The following ASCC1 variants were observed in gnomAD, a reference collection of about 807,000 sequenced individuals.
ASCC1 encodes the protein ASC-1 complex subunit P50.
In ASCC1, 35 loss-of-function variants were observed where a neutral mutation model predicts 46.6. That is an observed-to-expected ratio of 0.75 (90% CI 0.57 to 0.99). The LOEUF is 0.99. ASCC1 is among the 50% of genes least tolerant of loss of function. The pLI, the probability that ASCC1 is intolerant of heterozygous loss-of-function variation, is 0.00. For missense variants in ASCC1, 376 were observed against 428.7 expected (o/e 0.88, Z 1.09); for synonymous variants, 143 against 146.6 (o/e 0.98, Z 0.18).
chr10:72,173,283 T>C (rs1049261500), intron 5 of ASCC1, among the ~76,000 whole-genome samples: 4 of 152,100 alleles, frequency 2.6e-5, no homozygotes, highest in African/African-American at 9.7e-5. Context: ...TCTTCAACTT[T>C]CTCTTGCATA....
At chr10:72,216,825 C>G, upstream of ASCC1, 1 of 456,190 alleles carries the variant, frequency 2.2e-6, no homozygotes, top group Non-Finnish European at 4.4e-6. Flanking sequence ...ACTTACCTGA[C>G]AGGGCCAAGT....
chr10:72,099,347 TGA>T (rs1440123229), intron 9 of ASCC1, among the ~76,000 whole-genome samples: 1 of 152,170 alleles, frequency 6.6e-6, no homozygotes, highest in East Asian at 1.9e-4. Flanking sequence ...ACAGAAGAAT[TGA>T]GAGAGATAAC....
upstream of ASCC1, chr10:72,216,965 T>A (rs1447532784): frequency 2.2e-6 from 1 of 455,992 alleles, no homozygotes; most frequent in African/African-American, 2.0e-5. Flanking sequence ...AAATCCATAA[T>A]GATCCAATAC....
At position 72,119,658 on chromosome 10, in the gene ASCC1, C is replaced by T. The variant is rs191015627; in HGVS notation, c.957+8424G>A. Among the ~76,000 whole-genome samples the T allele has an allele frequency of 2.9e-3, 444 of 152,212 alleles. 2 individuals are homozygous for T. The highest frequency in any genetic ancestry group is 0.01 in the African/African-American group (422 of 41,516). On this transcript the variant is annotated intron_variant, in intron 9 of 9. Coordinates refer to ENST00000672957, the MANE Select transcript of ASCC1 (RefSeq NM_001198800.3). Reference sequence around the variant, plus strand: ...CCATCACACAACAGTACATCATGTCCCTTTCACCCAGTACATCACGTCCAG... The same window carrying T: ...CCATCACACAACAGTACATCATGTCTCTTTCACCCAGTACATCACGTCCAG...
At chr10:72,216,354 GGCGTAGTTTCCTGGGGACCCA>G (rs2133608856), upstream of ASCC1, 2 of 171,038 alleles carry the variant, frequency 1.2e-5, no homozygotes, top group Admixed American at 1.1e-4. Context: ...CAGCGCCGAT[GGCGTAGTTTCCTGGGGACCCA>G]GCTGGGTGGG....
At chr10:72,161,434 T>C (rs1849681565) in intron 6 of ASCC1, 104 bp downstream of exon 6, 1 of 1,439,580 alleles carries the variant, frequency 6.9e-7, no homozygotes. Flanking sequence ...ATCACATGAG[T>C]CCTTCCCATG....
chr10:72,202,549 C>T (rs932226696), intron 4 of ASCC1, among the ~76,000 whole-genome samples: 3 of 151,994 alleles, frequency 2.0e-5, no homozygotes, highest in Admixed American at 6.6e-5. Context: ...AGCCATTGTA[C>T]ATACAACAAA....
At chr10:72,116,113 C>CT (rs1408299277) in intron 9 of ASCC1, among the ~76,000 whole-genome samples, 3 of 152,156 alleles carry the variant, frequency 2.0e-5, no homozygotes, top group Non-Finnish European at 4.4e-5. Flanking sequence ...TACTAAGCTC[C>CT]TAAGTGTATG....
At chr10:72,204,980 T>C (rs1037269766) in intron 3 of ASCC1, among the ~76,000 whole-genome samples, 2 of 152,212 alleles carry the variant, frequency 1.3e-5, no homozygotes, top group African/African-American at 4.8e-5. Flanking sequence ...GCAAAGTGGT[T>C]GAGGTTTAAA....
chr10:72,172,431 AAAAAGAAAAACTCTAAGCACAAAT>A (rs1851231074), intron 5 of ASCC1, among the ~76,000 whole-genome samples: 1 of 149,512 alleles, frequency 6.7e-6, no homozygotes, highest in Admixed American at 6.6e-5. Context: ...AAAAAAAAAA[AAAAAGAAAAACTCTAAGCACAAAT>A]AAAAGAGGAA....
Position 72,133,157 on chromosome 10 carries a change from CACTCGATCA to C in ASCC1, c.762_770del (p.Asp255_Val257del). ...GTCCAGATGCCTGAAAACGTTCCAG[CACTCGATCA>C]ACTAATTCTTGTAGCCTGGAGAAAT... is the stretch of plus-strand genomic sequence containing the variant. On this transcript the variant is annotated inframe_deletion, in exon 8 of 10. Coordinates refer to ENST00000672957, the MANE Select transcript of ASCC1 (RefSeq NM_001198800.3). 1 of 1,614,102 alleles carries C rather than the reference CACTCGATCA, an allele frequency of 6.2e-7. No individual in the cohort carries two copies. Among genetic ancestry groups the C allele is most frequent in the Non-Finnish European group, 8.5e-7 (1 of 1,179,954 alleles).
At chr10:72,201,057 A>G (rs912301873) in intron 4 of ASCC1, among the ~76,000 whole-genome samples, 16 of 152,238 alleles carry the variant, frequency 1.1e-4, no homozygotes. Context: ...CTGCATGGAT[A>G]TAGAACATTC....
intron 9 of ASCC1, among the ~76,000 whole-genome samples, chr10:72,124,250 A>T (rs1208598873): frequency 6.6e-6 from 1 of 152,204 alleles, no homozygotes; most frequent in Non-Finnish European, 1.5e-5. Context: ...TCTTATATAT[A>T]AAATAGAAAA....
intron 5 of ASCC1, among the ~76,000 whole-genome samples, chr10:72,185,701 G>C (rs1220051100): frequency 1.3e-5 from 2 of 152,114 alleles, no homozygotes; most frequent in African/African-American, 4.8e-5. Context: ...AAATATTTGA[G>C]GGTGACATAA....
At chr10:72,181,018 TGCGGTG>T (rs1339913202) in intron 5 of ASCC1, 1 of 154,788 alleles carries the variant, frequency 6.5e-6, no homozygotes, top group African/African-American at 2.4e-5. Flanking sequence ...CAGGCTAGAG[TGCGGTG>T]GCACGATCTT....
intron 6 of ASCC1, 68 bp downstream of exon 6, chr10:72,161,470 A>G: frequency 6.2e-7 from 1 of 1,601,552 alleles, no homozygotes; most frequent in Non-Finnish European, 8.6e-7. Flanking sequence ...TTCAAAAACA[A>G]GTCTGTAATA....
At chr10:72,190,467 G>C (rs897928176) in intron 5 of ASCC1, 2 of 1,598,590 alleles carry the variant, frequency 1.3e-6, no homozygotes, top group Non-Finnish European at 1.7e-6. Flanking sequence ...TCTGCAGGCC[G>C]AAAGAGCCGT....
At chr10:72,099,037 A>T (rs1369202167) in intron 9 of ASCC1, among the ~76,000 whole-genome samples, 1 of 152,264 alleles carries the variant, frequency 6.6e-6, no homozygotes, top group Non-Finnish European at 1.5e-5. Context: ...CTATAACCAA[A>T]GAAGCAATAA....
intron 7 of ASCC1, among the ~76,000 whole-genome samples, chr10:72,139,394 T>C (rs112912635): frequency 0.015 from 2,310 of 152,220 alleles, 45 homozygotes; most frequent in African/African-American, 0.052. Context: ...GGATTACAGG[T>C]GTGAGCCACG....
Sources: gnomAD v4.1 joint callset for allele counts (sites outside exome capture counted in the v4.1 genomes callset) on GRCh38, gnomAD v4.1.1 for gene constraint, MANE v1.5 for transcripts, NCBI Gene and HGNC (gene_info 2026-07-23, HGNC 2026-07-21) for gene names.